The following ATP2B3 variants were observed in gnomAD, a reference collection of about 807,000 sequenced individuals.
ATP2B3 encodes plasma membrane calcium-transporting ATPase 3.
In ATP2B3, 12 loss-of-function variants were observed where a neutral mutation model predicts 70.8. The ratio of observed to expected loss-of-function variants is 0.17; its 90% CI spans 0.11 to 0.27. ATP2B3 has a LOEUF of 0.27. ATP2B3 is among the 10% of genes least tolerant of loss of function. The pLI, the probability that ATP2B3 is intolerant of heterozygous loss-of-function variation, is 1.00. For synonymous variants in ATP2B3, 460 were observed against 497.8 expected (o/e 0.92, Z 1.01); for missense variants, 858 against 1,118.5 (o/e 0.77, Z 3.32).
chrX:153,533,651 C>T (rs2090149117), intron 2 of ATP2B3, among the ~76,000 whole-genome samples: 1 of 111,434 alleles, frequency 9.0e-6, no homozygotes, highest in African/African-American at 3.3e-5. Context: ...GGTGGGGATC[C>T]TGCAGTGGGG....
chrX:153,555,095 C>T (rs1330707880), intron 13 of ATP2B3, among the ~76,000 whole-genome samples: 4 of 111,825 alleles, frequency 3.6e-5, no homozygotes, highest in Admixed American at 9.4e-5. Flanking sequence ...TCAGAGAGTA[C>T]GAAGTGTCCC....
intron 2 of ATP2B3, among the ~76,000 whole-genome samples, chrX:153,523,531 T>C (rs1343266620): frequency 1.8e-5 from 2 of 111,588 alleles, no homozygotes; most frequent in Non-Finnish European, 3.8e-5. Flanking sequence ...ACTGCAACCT[T>C]GCCAGCATTA....
At chrX:153,550,689 T>C (rs2090443957) in intron 12 of ATP2B3, among the ~76,000 whole-genome samples, 1 of 111,900 alleles carries the variant, frequency 8.9e-6, no homozygotes, top group South Asian at 3.8e-4. Flanking sequence ...GTTTTGTTTT[T>C]TCCCTCAAGC....
intron 2 of ATP2B3, among the ~76,000 whole-genome samples, chrX:153,534,985 T>A (rs3020944): frequency 8.9e-6 from 1 of 111,781 alleles, no homozygotes; most frequent in African/African-American, 3.3e-5. Flanking sequence ...GAGACGGGGG[T>A]TCAGGGCCCT....
intron 4 of ATP2B3, 40 bp from the exon 5 acceptor site, chrX:153,541,629 T>C (rs782521905): frequency 1.6e-5 from 19 of 1,204,385 alleles, no homozygotes; most frequent in Non-Finnish European, 2.2e-6. Context: ...CACAGGATGG[T>C]GATGTCTCCT....
In ATP2B3 at chrX:153,548,149, CGGCAG is replaced by C; in HGVS notation, c.1123+151_1123+155del. The stretch of plus-strand genomic sequence containing the variant: ...AGGCAGGCAAGGGCACAGGCCAGGC[CGGCAG>C]TGGCCATCAGGGCCTGGCGCAGCCC... On this transcript the variant is annotated intron_variant, in intron 9 of 21. Transcript: ENST00000263519. 1.1e-5 allele frequency: 9 copies of C among 792,755 alleles called. No homozygotes were observed. In the South Asian group the frequency reaches 2.8e-4, roughly 24 times the overall value. The allele number at this position is 792,755 out of a possible 1,213,427, so 65.3% of individuals were successfully genotyped here. A position where few individuals can be genotyped will look rare whatever the true frequency, so the allele number is the denominator to read the frequency against.
In ATP2B3 at chrX:153,549,610, C is replaced by T. The variant is rs782621008; in HGVS notation, c.1452C>T (p.Thr484=). 4.9e-6 allele frequency: 6 copies of T among 1,212,470 alleles called. No individual in the cohort carries two copies. The highest frequency in any genetic ancestry group is 3.5e-5 in the South Asian group (2 of 57,047). Reference sequence around the variant, plus strand: ...GCACGCTCACCACCAACCGTATGACCGTGGTCCAGTCCTACCTAGGAGACA... The same window carrying T: ...GCACGCTCACCACCAACCGTATGACTGTGGTCCAGTCCTACCTAGGAGACA... ...KTGTLTTNRM[T]VVQSYLGDTH... is the part of the protein sequence containing the mutation. Residue 484 remains threonine (T), a synonymous_variant, in exon 11 of 22, where the codon ACC becomes ACT. Coordinates refer to ENST00000263519, the MANE Select transcript of ATP2B3 (RefSeq NM_001001344.3).
intron 21 of ATP2B3, among the ~76,000 whole-genome samples, chrX:153,568,402 A>G (rs924318565): frequency 9.0e-6 from 1 of 111,262 alleles, no homozygotes; most frequent in African/African-American, 3.3e-5. Context: ...GGCCAGACCA[A>G]TGCAAATCTG....
intron 2 of ATP2B3, among the ~76,000 whole-genome samples, chrX:153,520,725 C>A (rs1233471617): frequency 8.9e-6 from 1 of 112,427 alleles, no homozygotes; most frequent in African/African-American, 3.2e-5. Context: ...GGAATGTAGT[C>A]CATCAGGCTC....
At chrX:153,560,652 T>C in intron 18 of ATP2B3, 24 bp from the exon 19 acceptor site, 1 of 1,208,559 alleles carries the variant, frequency 8.3e-7, no homozygotes, top group Non-Finnish European at 1.1e-6. Flanking sequence ...TGACTGTGCC[T>C]GAGTGGGGAA....
In ATP2B3 at chrX:153,573,339, G is replaced by A. The variant is rs139213534; in HGVS notation, c.3343-6639G>A. Among the ~76,000 whole-genome samples the A allele has an allele frequency of 5.2e-3, 587 of 112,520 alleles. 2 individuals carry two copies. Among genetic ancestry groups the A allele is most frequent in the African/African-American group, 0.018 (550 of 31,001 alleles). On this transcript the variant is annotated intron_variant, in intron 21 of 21. Coordinates refer to ENST00000263519, the MANE Select transcript of ATP2B3 (RefSeq NM_001001344.3). ...ACATGCTCACCACACTCCCAGCCCC[G>A]TGGTGGAAGGAGTCTTGTTTTCTGG...
chrX:153,552,763 G>A (rs1468207964), intron 12 of ATP2B3, among the ~76,000 whole-genome samples: 5 of 112,377 alleles, frequency 4.4e-5, no homozygotes, highest in African/African-American at 6.5e-5. Flanking sequence ...GGGCCGAAGC[G>A]CCTCCAAAGC....
At chrX:153,571,002 GTACACACACA>G (rs1274442702) in intron 21 of ATP2B3, among the ~76,000 whole-genome samples, 5 of 26,732 alleles carry the variant, frequency 1.9e-4, no homozygotes, top group African/African-American at 3.9e-4. Flanking sequence ...ACGTGCGCGC[GTACACACACA>G]CACACACACA....
chrX:153,559,950 G>A lies in ATP2B3; in HGVS notation c.2839+8G>A. The A allele has an allele frequency of 8.3e-7, 1 of 1,205,919 alleles. No individual in the cohort carries two copies. Among genetic ancestry groups the A allele is most frequent in the Non-Finnish European group, 1.1e-6 (1 of 890,962 alleles). ...TCACCCTGCTGTTTGTCGGTAGGCT[G>A]GCCAGGGGCACCCGGGAGGACTTCA... is the stretch of plus-strand genomic sequence containing the variant. On this transcript the variant is annotated splice_region_variant and intron_variant, in intron 18 of 21. Transcript: ENST00000263519.
chrX:153,542,246 G>A (rs782201024), intron 5 of ATP2B3, 77 bp from the exon 6 acceptor site: 1 of 1,177,198 alleles, frequency 8.5e-7, no homozygotes, highest in African/African-American at 1.8e-5. Flanking sequence ...GGCGGCCCAT[G>A]GCACCTGACG....
intron 13 of ATP2B3, 25 bp from the exon 14 acceptor site, chrX:153,556,024 C>T (rs782761549): frequency 2.4e-5 from 29 of 1,210,336 alleles, no homozygotes; most frequent in East Asian, 5.9e-5. Context: ...TCGATGGCCC[C>T]GCCCACCTCT....
At chrX:153,539,267 C>T (rs1557005391) in intron 3 of ATP2B3, among the ~76,000 whole-genome samples, 1 of 112,390 alleles carries the variant, frequency 8.9e-6, no homozygotes, top group African/African-American at 3.2e-5. Context: ...CGTGCGTTAA[C>T]CCCAGGCTCC....
In ATP2B3 at chrX:153,549,742, G is replaced by T; in HGVS notation, c.1581+3G>T. 8.3e-7 allele frequency: 1 copy of T among 1,209,656 alleles called. No individual in the cohort carries two copies. The highest frequency in any genetic ancestry group is 1.8e-5 in the South Asian group (1 of 56,938). ...GTGCCTATACCACCAAAATACTAGT[G>T]AGCTGGGGCAGGAGCGGGCGGGCAG... On this transcript the variant is annotated splice_donor_region_variant and intron_variant, in intron 11 of 21. Transcript: ENST00000263519.
rs1278791909 is a variant in ATP2B3 at position 153,518,453 on chromosome X, C to A, written c.-225C>A. On this transcript the variant is annotated 5_prime_UTR_variant, in exon 2 of 22. Coordinates refer to ENST00000263519, the MANE Select transcript of ATP2B3 (RefSeq NM_001001344.3). ...CCAGGAACGGCTGTCTCCCCCTCCTCGCCTGTGTGACCTTGGCCAGCCAGC... is the reference window on the plus strand; with the variant it reads ...CCAGGAACGGCTGTCTCCCCCTCCTAGCCTGTGTGACCTTGGCCAGCCAGC... Among the ~76,000 whole-genome samples the A allele has an allele frequency of 8.8e-6, 1 of 113,199 alleles. No individual in the cohort carries two copies. The highest frequency in any genetic ancestry group is 1.9e-5 in the Non-Finnish European group (1 of 53,344).
Sources: gnomAD v4.1 joint callset for allele counts (sites outside exome capture counted in the v4.1 genomes callset) on GRCh38, gnomAD v4.1.1 for gene constraint, MANE v1.5 for transcripts, NCBI Gene and HGNC (gene_info 2026-07-23, HGNC 2026-07-21) for gene names.